CPQ: variants seen among roughly 807,000 people sequenced by gnomAD.
CPQ encodes the protein carboxypeptidase Q.
CPQ carries 37 observed loss-of-function variants against 45.7 expected under a neutral mutation model. The ratio of observed to expected loss-of-function variants is 0.81; its 90% confidence interval spans 0.62 to 1.07. The LOEUF is 1.07. CPQ is among the 50% of genes least tolerant of loss of function. The pLI is 0.00. For synonymous variants in CPQ, 186 were observed against 205.8 expected, an observed-to-expected ratio of 0.90 and a Z score of 0.82; for missense variants, 537 against 572.9, an observed-to-expected ratio of 0.94 and a Z score of 0.64.
rs140101975 is a variant in CPQ, at chr8:96,763,403, T to C, written c.-34-21461T>C. On this transcript the variant is annotated intron_variant, in intron 1 of 7. Transcript: ENST00000220763. ...CTCAAGAAACAGCTGTCCATATAAATATGGGTTGATTTCTGCACTCCCTGT... is the reference window on the plus strand; with the variant it reads ...CTCAAGAAACAGCTGTCCATATAAACATGGGTTGATTTCTGCACTCCCTGT... Among the ~76,000 whole-genome samples, 774 of 152,302 alleles carry C rather than the reference T, an allele frequency of 5.1e-3. 4 individuals are homozygous for C. Among genetic ancestry groups the C allele is most frequent in the Non-Finnish European group, 7.1e-3 (486 of 68,022 alleles).
At chr8:96,706,103 G>C (rs1007401255) in intron 1 of CPQ, among the ~76,000 whole-genome samples, 7 of 152,080 alleles carry the variant, frequency 4.6e-5, no homozygotes, top group Non-Finnish European at 8.8e-5. Flanking sequence ...AATGTTAAAG[G>C]CTTGCTGACA....
intron 7 of CPQ, among the ~76,000 whole-genome samples, chr8:97,102,121 T>C (rs1811322685): frequency 6.6e-6 from 1 of 152,174 alleles, no homozygotes; most frequent in South Asian, 2.1e-4. Context: ...CTTTTTAAAA[T>C]GAATGTGATT....
chr8:96,664,771 T>A (rs1315784826), intron 1 of CPQ, among the ~76,000 whole-genome samples: 1 of 152,190 alleles, frequency 6.6e-6, no homozygotes, highest in East Asian at 1.9e-4. Context: ...AAATGGTGAT[T>A]TGTGTGGATA....
At chr8:96,781,578 C>A (rs1810685455) in intron 1 of CPQ, among the ~76,000 whole-genome samples, 1 of 152,152 alleles carries the variant, frequency 6.6e-6, no homozygotes, top group Non-Finnish European at 1.5e-5. Context: ...TTTGGAGGGA[C>A]AAAAGTTAAA....
At chr8:97,034,968 C>T (rs1406674631) in intron 6 of CPQ, among the ~76,000 whole-genome samples, 5 of 151,590 alleles carry the variant, frequency 3.3e-5, no homozygotes, top group Non-Finnish European at 5.9e-5. Context: ...TCTCAGCTCA[C>T]TGCAACCTCC....
chr8:96,847,151 C>T (rs10282981), intron 3 of CPQ, among the ~76,000 whole-genome samples: 71,076 of 151,938 alleles, frequency 0.47, 16,923 homozygotes, highest in Middle Eastern at 0.52. Context: ...ATTTCTTTAT[C>T]GAAAGGTAGC....
chr8:96,799,861 C>G (rs1810983469), intron 2 of CPQ, among the ~76,000 whole-genome samples: 1 of 152,160 alleles, frequency 6.6e-6, no homozygotes, highest in Admixed American at 6.6e-5. Context: ...AGCCTTCCCT[C>G]TTCACCTTGC....
chr8:96,778,017 C>T (rs1345164335), intron 1 of CPQ, among the ~76,000 whole-genome samples: 30 of 150,958 alleles, frequency 2.0e-4, no homozygotes, highest in Admixed American at 1.9e-3. Flanking sequence ...AGTGAGCCAC[C>T]GTGCCCGGCC....
At chr8:96,877,816 GA>G (rs1050277612) in intron 3 of CPQ, among the ~76,000 whole-genome samples, 23 of 152,178 alleles carry the variant, frequency 1.5e-4, no homozygotes, top group Admixed American at 1.5e-3. Flanking sequence ...TAGGTTAAGT[GA>G]CCCCAGAACC....
intron 5 of CPQ, among the ~76,000 whole-genome samples, chr8:96,986,646 G>A (rs1371356489): frequency 6.6e-6 from 1 of 152,120 alleles, no homozygotes; most frequent in Non-Finnish European, 1.5e-5. Flanking sequence ...ATCACTTGGG[G>A]GCCTGGGGAA....
At chr8:97,022,593 G>A (rs993531895) in intron 5 of CPQ, among the ~76,000 whole-genome samples, 4 of 152,012 alleles carry the variant, frequency 2.6e-5, no homozygotes, top group African/African-American at 4.8e-5. Context: ...ATTCTCAAAA[G>A]AAGATATACA....
intron 4 of CPQ, among the ~76,000 whole-genome samples, chr8:96,948,233 C>A (rs2130332835): frequency 6.6e-6 from 1 of 152,110 alleles, no homozygotes; most frequent in South Asian, 2.1e-4. Flanking sequence ...GACCTGTGTT[C>A]AGTTACAAGA....
chr8:97,091,178 T>C (rs1330798912), intron 7 of CPQ, among the ~76,000 whole-genome samples: 1 of 152,156 alleles, frequency 6.6e-6, no homozygotes, highest in Non-Finnish European at 1.5e-5. Flanking sequence ...CCTATGACTG[T>C]GTATCTTAAT....
rs370904287 is a variant in CPQ at position 96,836,158 on chromosome 8, A to G, written c.641+978A>G. Among the ~76,000 whole-genome samples the G allele has an allele frequency of 5.3e-5, 8 of 152,144 alleles. 1 individual carries two copies. In the East Asian group the frequency reaches 1.2e-3, roughly 22 times the overall value. On this transcript the variant is annotated intron_variant, in intron 3 of 7. Transcript: ENST00000220763. ...GGGTTTATTTGGGTCTCCGGATTGG[A>G]TTTTTAATATCTATTGGAAAGGGAA...
intron 1 of CPQ, among the ~76,000 whole-genome samples, chr8:96,748,524 A>G (rs567721060): frequency 1.0e-3 from 157 of 152,238 alleles, no homozygotes; most frequent in South Asian, 2.3e-3. Flanking sequence ...AAATATTACT[A>G]TATGATAACA....
At chr8:96,811,256 A>T (rs1189280673) in intron 2 of CPQ, among the ~76,000 whole-genome samples, 1 of 146,400 alleles carries the variant, frequency 6.8e-6, no homozygotes, top group Non-Finnish European at 1.5e-5. Flanking sequence ...GTATTCTTTT[A>T]AAAAAATAAT....
chr8:96,832,303 G>A (rs1287329669), intron 2 of CPQ, among the ~76,000 whole-genome samples: 1 of 152,136 alleles, frequency 6.6e-6, no homozygotes, highest in Non-Finnish European at 1.5e-5. Context: ...TACTGTAGGT[G>A]TAAGGGAATC....
At chr8:96,724,579 C>T (rs370471186) in intron 1 of CPQ, among the ~76,000 whole-genome samples, 115 of 151,782 alleles carry the variant, frequency 7.6e-4, no homozygotes, top group African/African-American at 2.6e-3. Context: ...AGGAGAACCA[C>T]AAAACACTGC....
chr8:97,101,466 T>C (rs1393250007), intron 7 of CPQ, among the ~76,000 whole-genome samples: 2 of 151,632 alleles, frequency 1.3e-5, no homozygotes, highest in South Asian at 2.1e-4. Context: ...GTAGAAGATA[T>C]ACTATCTCTC....
Sources: gnomAD v4.1 joint callset for allele counts (sites outside exome capture counted in the v4.1 genomes callset) on GRCh38, gnomAD v4.1.1 for gene constraint, MANE v1.5 for transcripts, NCBI Gene and HGNC (gene_info 2026-07-23, HGNC 2026-07-21) for gene names.